MRC1: variants seen among roughly 807,000 people sequenced by gnomAD.
MRC1 encodes macrophage mannose receptor 1.
In MRC1, 62 loss-of-function variants were observed where a neutral mutation model predicts 102.9. That is an observed-to-expected ratio of 0.60 (90% CI 0.49 to 0.74). The LOEUF (loss-of-function observed/expected upper bound fraction) is 0.74, where lower values mean the gene tolerates loss of function less well. Among genes scored for constraint, MRC1 ranks in the 30% least tolerant of loss-of-function variants. The pLI is 0.00. For synonymous variants in MRC1, 457 were observed against 298.4 expected, an observed-to-expected ratio of 1.53 and a Z score of -5.48; for missense variants, 1,237 against 862.8, an observed-to-expected ratio of 1.43 and a Z score of -5.43.
chr10:17,866,527 T>C, intron 11 of MRC1, 35 bp from the exon 12 acceptor site: 1 of 780,882 alleles, frequency 1.3e-6, no homozygotes, highest in South Asian at 1.3e-5. Context: ...AGCAGGCACC[T>C]GTCAAGTGAA....
At chr10:17,838,743 G>A (rs1838707527) in intron 4 of MRC1, among the ~76,000 whole-genome samples, 1 of 152,152 alleles carries the variant, frequency 6.6e-6, no homozygotes, top group South Asian at 2.1e-4. Context: ...GGAGGCTGAG[G>A]TGGGAGGATT....
intron 1 of MRC1, 64 bp from the exon 2 acceptor site, chr10:17,823,010 T>G (rs1284971485): frequency 1.3e-6 from 1 of 771,312 alleles, no homozygotes; most frequent in African/African-American, 1.7e-5. Context: ...TCGTCCTTGT[T>G]ACATGAATCC....
intron 22 of MRC1, among the ~76,000 whole-genome samples, chr10:17,892,903 G>A (rs2497824): frequency 0.39 from 58,658 of 151,440 alleles, 11,792 homozygotes; most frequent in African/African-American, 0.5. Context: ...CCAGCTACTC[G>A]GGAGGCCGAG....
intron 1 of MRC1, among the ~76,000 whole-genome samples, chr10:17,819,453 A>ATATGTG (rs368939867): frequency 6.9e-6 from 1 of 145,668 alleles, no homozygotes; most frequent in African/African-American, 2.6e-5. Flanking sequence ...TCAGAGTTGT[A>ATATGTG]TGTGTGTGTG....
rs898872264 is a variant in MRC1, at chr10:17,842,752, A to G, written c.916+1946A>G. Among the ~76,000 whole-genome samples the G allele has an allele frequency of 2.6e-5, 4 of 152,190 alleles. No individual in the cohort carries two copies. The East Asian group carries it at 7.7e-4, about 29-fold the overall frequency. On this transcript the variant is annotated intron_variant, in intron 5 of 29. Transcript: ENST00000569591. ...ATTTATTCACTTGGGGGTGATGATT[A>G]TATTTAACCGCTTGCATCCTACGAG...
At position 17,887,093 on chromosome 10, in the gene MRC1, C is replaced by T. The variant is rs1375415600; in HGVS notation, c.3147+1658C>T. On this transcript the variant is annotated intron_variant, in intron 22 of 29. Coordinates refer to ENST00000569591, the MANE Select transcript of MRC1 (RefSeq NM_002438.4). ...AGCCAGACAGCAGCCCATAGGGTTG[C>T]TGTGTCTGTGAAGTAGCCATTCTTT... is the stretch of plus-strand genomic sequence containing the variant. 2.6e-5 allele frequency among the ~76,000 whole-genome samples: 4 copies of T among 152,248 alleles called. No individual in the cohort carries two copies. The East Asian group carries it at 7.7e-4, about 29-fold the overall frequency.
rs1027375449 is a variant in MRC1, at chr10:17,815,195, A to T, written c.61+5669A>T. Among the ~76,000 whole-genome samples, 4 of 152,018 alleles carry T rather than the reference A, an allele frequency of 2.6e-5. No homozygotes were observed. In the South Asian group the frequency reaches 8.3e-4, roughly 31 times the overall value. On this transcript the variant is annotated intron_variant, in intron 1 of 29. Coordinates refer to ENST00000569591, the MANE Select transcript of MRC1 (RefSeq NM_002438.4). ...TGCTATTTCCCCCTTTATTTTACAG[A>T]TGGGGAAGTGGAAGCACAGAGTAAT...
intron 24 of MRC1, among the ~76,000 whole-genome samples, chr10:17,899,221 G>A (rs940619801): frequency 1.4e-4 from 22 of 152,256 alleles, no homozygotes; most frequent in Non-Finnish European, 2.5e-4. Context: ...TATTTCCTAA[G>A]TAGGGAAGTG....
At chr10:17,817,070 A>G (rs1289155638) in intron 1 of MRC1, among the ~76,000 whole-genome samples, 3 of 152,048 alleles carry the variant, frequency 2.0e-5, no homozygotes, top group Non-Finnish European at 4.4e-5. Flanking sequence ...CAACATGGTG[A>G]AACCTCATCT....
chr10:17,819,837 C>T lies in MRC1; in HGVS notation c.62-3237C>T, dbSNP rs907983139. Among the ~76,000 whole-genome samples, 8 of 152,122 alleles carry T rather than the reference C, an allele frequency of 5.3e-5. 1 individual carries two copies. The highest frequency in any genetic ancestry group is 3.4e-3 in the Middle Eastern group (1 of 294). On this transcript the variant is annotated intron_variant, in intron 1 of 29. Coordinates refer to ENST00000569591, the MANE Select transcript of MRC1 (RefSeq NM_002438.4). ...GCACAGGTCTATAGTCCCAGCTACT[C>T]GGGAGGCTGAAGTGGCAGGATCGCT...
intron 17 of MRC1, among the ~76,000 whole-genome samples, chr10:17,876,293 G>C (rs1286786578): frequency 6.6e-6 from 1 of 151,330 alleles, no homozygotes; most frequent in Non-Finnish European, 1.5e-5. Context: ...TGTCGCCCAG[G>C]CTGGAGTGCA....
intron 1 of MRC1, among the ~76,000 whole-genome samples, chr10:17,821,517 T>C (rs1028485636): frequency 2.0e-5 from 3 of 151,838 alleles, no homozygotes; most frequent in Non-Finnish European, 2.9e-5. Context: ...TGTTTTTTGT[T>C]TGTTTTTTTT....
chr10:17,844,823 A>G (rs1367599579), intron 5 of MRC1, among the ~76,000 whole-genome samples: 28 of 152,150 alleles, frequency 1.8e-4, no homozygotes, highest in Admixed American at 1.8e-3. Flanking sequence ...AAGTGAGAAC[A>G]TGGCTATTTG....
At chr10:17,903,587 A>G (rs1833858805) in intron 26 of MRC1, among the ~76,000 whole-genome samples, 1 of 150,874 alleles carries the variant, frequency 6.6e-6, no homozygotes, top group African/African-American at 2.4e-5. Context: ...GTAGAGACAG[A>G]GTTTCACATT....
Position 17,898,028 on chromosome 10 carries a change from A to G in MRC1, c.3251-6A>G. On this transcript the variant is annotated splice_region_variant and splice_polypyrimidine_tract_variant and intron_variant, in intron 23 of 29. Transcript: ENST00000569591. Reference sequence around the variant, plus strand: ...TAATGCTAATGAAAATAATGTTTTTATCTAGACCCTTCCTTGACTAATCCT... The same window carrying G: ...TAATGCTAATGAAAATAATGTTTTTGTCTAGACCCTTCCTTGACTAATCCT... The G allele has an allele frequency of 1.3e-6, 1 of 780,862 alleles. No individual in the cohort carries two copies. Among genetic ancestry groups the G allele is most frequent in the Middle Eastern group, 2.3e-4 (1 of 4,436 alleles). 48.4% of individuals were successfully genotyped at this position (780,862 alleles called of 1,614,324 possible).
intron 6 of MRC1, among the ~76,000 whole-genome samples, chr10:17,845,851 G>A (rs1263076040): frequency 6.6e-6 from 1 of 152,112 alleles, no homozygotes; most frequent in Admixed American, 6.5e-5. Context: ...GCTATTCAGT[G>A]TAGCGTCTTA....
intron 23 of MRC1, among the ~76,000 whole-genome samples, chr10:17,894,735 G>A (rs1833731834): frequency 6.6e-6 from 1 of 151,950 alleles, no homozygotes; most frequent in South Asian, 2.1e-4. Context: ...TTAAGTTCCA[G>A]GATACATGTA....
At chr10:17,847,868 A>G (rs1838849040) in intron 6 of MRC1, among the ~76,000 whole-genome samples, 1 of 152,036 alleles carries the variant, frequency 6.6e-6, no homozygotes, top group Admixed American at 6.5e-5. Context: ...GCAAAATTAA[A>G]ATAACCCACC....
chr10:17,816,495 G>A (rs936447933), intron 1 of MRC1, among the ~76,000 whole-genome samples: 10 of 152,122 alleles, frequency 6.6e-5, no homozygotes, highest in Admixed American at 2.0e-4. Context: ...ATTTAGAGCC[G>A]TCAGCGGTTC....
Sources: gnomAD v4.1 joint callset for allele counts (sites outside exome capture counted in the v4.1 genomes callset) on GRCh38, gnomAD v4.1.1 for gene constraint, MANE v1.5 for transcripts, NCBI Gene and HGNC (gene_info 2026-07-23, HGNC 2026-07-21) for gene names.